The following NFATC1 variants were observed in gnomAD, a reference collection of about 807,000 sequenced individuals.
NFATC1 encodes the protein nuclear factor of activated T-cells, cytoplasmic 1.
In NFATC1, 22 loss-of-function variants were observed where a neutral mutation model predicts 76.0. The ratio of observed to expected loss-of-function variants is 0.29; its 90% CI spans 0.21 to 0.41. NFATC1 has a LOEUF of 0.41. NFATC1 is among the 10% of genes least tolerant of loss of function. The pLI is 1.00. For missense variants in NFATC1, 1,357 were observed against 1,337.7 expected, an observed-to-expected ratio of 1.01 and a Z score of -0.23; for synonymous variants, 704 against 613.1, an observed-to-expected ratio of 1.15 and a Z score of -2.19.
intron 2 of NFATC1, among the ~76,000 whole-genome samples, chr18:79,415,314 GCT>G (rs1373324067): frequency 2.0e-5 from 3 of 151,934 alleles, no homozygotes; most frequent in Non-Finnish European, 2.9e-5. Context: ...ATGGAGTCTC[GCT>G]CTGTCACCCA....
At chr18:79,435,353 T>G (rs891176995) in intron 3 of NFATC1, among the ~76,000 whole-genome samples, 3 of 141,944 alleles carry the variant, frequency 2.1e-5, no homozygotes, top group African/African-American at 5.1e-5. Context: ...GGTTTGTTTG[T>G]TTTTTTTTTT....
intron 9 of NFATC1, among the ~76,000 whole-genome samples, chr18:79,525,554 A>C (rs112936626): frequency 6.6e-6 from 1 of 151,468 alleles, no homozygotes; most frequent in African/African-American, 2.4e-5. Context: ...GTTACCTCTC[A>C]GGCCTCCCTC....
chr18:79,483,229 G>T, intron 8 of NFATC1, among the ~76,000 whole-genome samples: 1 of 136,320 alleles, frequency 7.3e-6, no homozygotes, highest in Non-Finnish European at 1.6e-5. Flanking sequence ...AGCGTGACCT[G>T]GTCCTGGGGT....
chr18:79,451,705 G>A lies in NFATC1; in HGVS notation c.1792G>A (p.Val598Met). ...GCGCTCAGCTCAGGAGCTGCCTCTG[G>A]TGGAGAAGCAGAGCACGGACAGCTA... is the stretch of plus-strand genomic sequence containing the variant. ...SQRSAQELPLVEKQSTDSYPV... is the reference protein window; with the variant it reads ...SQRSAQELPLMEKQSTDSYPV... The change falls in exon 6 of 10, where the codon GTG (valine) becomes ATG (methionine). Residue 598 changes from valine (V) to methionine (M), a missense_variant. By Grantham distance (21) the Val-to-Met change is conservative. This residue lies in a region of NFATC1 where 242 missense variants were observed against 329.2 expected (regional missense o/e 0.74). Coordinates refer to ENST00000427363, the MANE Select transcript of NFATC1 (RefSeq NM_001278669.2). 2 of 1,612,304 alleles carry A rather than the reference G, an allele frequency of 1.2e-6. No individual in the cohort carries two copies. The highest frequency in any genetic ancestry group is 1.7e-6 in the Non-Finnish European group (2 of 1,179,350).
chr18:79,484,087 G>C (rs112040907), intron 8 of NFATC1, among the ~76,000 whole-genome samples: 1 of 151,626 alleles, frequency 6.6e-6, no homozygotes, highest in South Asian at 2.1e-4. Context: ...GTGTGACCTC[G>C]GCGGCACTTG....
In NFATC1 at chr18:79,411,100, G is replaced by T. The variant is rs147460948; in HGVS notation, c.825G>T (p.Pro275=). The change falls in exon 2 of 10, where the codon CCG becomes CCT. Residue 275 remains proline, a synonymous_variant. Transcript: ENST00000427363. ...AGTACAGCCTCAACGGCCGGCAGCC[G>T]CCCTACTCACCCCACCACTCGCCCA... ...KRKYSLNGRQ[P]PYSPHHSPTP... is the part of the protein sequence containing the mutation. The T allele has an allele frequency of 6.2e-7, 1 of 1,612,164 alleles. No homozygotes were observed. The highest frequency in any genetic ancestry group is 8.5e-7 in the Non-Finnish European group (1 of 1,179,684).
At chr18:79,407,033 A>G (rs1437971263) in intron 1 of NFATC1, among the ~76,000 whole-genome samples, 1 of 152,190 alleles carries the variant, frequency 6.6e-6, no homozygotes, top group Admixed American at 6.5e-5. Flanking sequence ...GGCCACCGTG[A>G]CGCCCAGGCG....
At chr18:79,438,863 T>C (rs7241066) in intron 3 of NFATC1, among the ~76,000 whole-genome samples, 29,335 of 152,162 alleles carry the variant, frequency 0.19, 2,912 homozygotes, top group African/African-American at 0.22. Flanking sequence ...CTCCTTCCAT[T>C]GCCCAGCTTG....
chr18:79,478,167 C>T (rs1445882350), intron 8 of NFATC1, among the ~76,000 whole-genome samples: 2 of 150,246 alleles, frequency 1.3e-5, no homozygotes, highest in East Asian at 2.0e-4. Flanking sequence ...ACAGAGCCCC[C>T]GAGGAGCCAG....
At chr18:79,521,151 TAGGG>T in intron 9 of NFATC1, among the ~76,000 whole-genome samples, 1 of 25,322 alleles carries the variant, frequency 3.9e-5, no homozygotes, top group Non-Finnish European at 7.0e-5. Context: ...TGTGTGTGTG[TAGGG>T]GGGGAGCATC....
At chr18:79,419,302 G>T (rs973788492) in intron 2 of NFATC1, among the ~76,000 whole-genome samples, 5 of 152,236 alleles carry the variant, frequency 3.3e-5, no homozygotes, top group African/African-American at 1.2e-4. Context: ...GGCATTGCAG[G>T]TGTGAGCCAG....
intron 1 of NFATC1, among the ~76,000 whole-genome samples, chr18:79,397,065 C>A (rs946498374): frequency 1.3e-5 from 2 of 152,172 alleles, no homozygotes; most frequent in African/African-American, 4.8e-5. Flanking sequence ...CAGTGTGGGT[C>A]CCTGAAACCC....
chr18:79,451,360 A>G (rs1425132282), intron 5 of NFATC1, among the ~76,000 whole-genome samples: 2 of 152,246 alleles, frequency 1.3e-5, no homozygotes, highest in Non-Finnish European at 2.9e-5. Flanking sequence ...TGGCCAGGGA[A>G]AGCGGTGTGG....
intron 6 of NFATC1, among the ~76,000 whole-genome samples, chr18:79,459,431 G>A (rs987593343): frequency 6.6e-6 from 1 of 152,216 alleles, no homozygotes; most frequent in African/African-American, 2.4e-5. Flanking sequence ...GGGACATAAA[G>A]AGAGGAGCAG....
At position 79,410,301 on chromosome 18, in the gene NFATC1, C is replaced by T. The variant is rs1052456639; in HGVS notation, c.128-102C>T. 4.8e-5 allele frequency: 73 copies of T among 1,510,886 alleles called. No homozygotes were observed. The highest frequency in any genetic ancestry group is 6.1e-5 in the Non-Finnish European group (69 of 1,133,240). The allele number at this position is 1,510,886 out of a possible 1,614,324, so 93.6% of individuals were successfully genotyped here. On this transcript the variant is annotated intron_variant, in intron 1 of 9. Transcript: ENST00000427363. The surrounding 1 kb of genome is among the most constrained non-coding windows in gnomAD (Gnocchi z 6.7). ...TTGCTGAGGCCCGCTCCTTGGGGTC[C>T]GTTGGTCGAGGCCGGGGGTTGCTGG...
chr18:79,495,797 G>C (rs139253599), intron 9 of NFATC1, among the ~76,000 whole-genome samples: 13 of 152,140 alleles, frequency 8.5e-5, no homozygotes, highest in African/African-American at 2.9e-4. Flanking sequence ...GGCAGGCCGT[G>C]AACAGTACTA....
intron 6 of NFATC1, among the ~76,000 whole-genome samples, chr18:79,452,856 A>G (rs1173384030): frequency 6.6e-6 from 1 of 152,082 alleles, no homozygotes; most frequent in Admixed American, 6.5e-5. Flanking sequence ...CCTTTTGTAC[A>G]CTTACCAATT....
At chr18:79,475,612 C>T (rs1307399622) in intron 8 of NFATC1, among the ~76,000 whole-genome samples, 3 of 149,132 alleles carry the variant, frequency 2.0e-5, no homozygotes, top group African/African-American at 2.5e-5. Flanking sequence ...TCACTGTCGA[C>T]GTTGTGAGGG....
chr18:79,476,225 G>A (rs923797882), intron 8 of NFATC1, among the ~76,000 whole-genome samples: 11 of 152,234 alleles, frequency 7.2e-5, no homozygotes, highest in Non-Finnish European at 1.2e-4. Context: ...GGAGGGATCC[G>A]CCTGTCCACG....
Sources: gnomAD v4.1 joint callset for allele counts (sites outside exome capture counted in the v4.1 genomes callset) on GRCh38, gnomAD v4.1.1 for gene constraint, gnomAD v4.1.1 regional missense constraint, Gnocchi (gnomAD v3.1) non-coding constraint, MANE v1.5 for transcripts, NCBI Gene and HGNC (gene_info 2026-07-23, HGNC 2026-07-21) for gene names.